The following CLN8 variants were observed in gnomAD, a reference collection of about 807,000 sequenced individuals.
CLN8 encodes CLN8 transmembrane ER and ERGIC protein.
CLN8 carries 14 observed loss-of-function variants against 15.7 expected under a neutral mutation model. That is an observed-to-expected ratio of 0.89 (90% CI 0.59 to 1.39). The LOEUF is 1.39. Ranked by LOEUF, CLN8 falls within the 40% of genes most tolerant of loss-of-function variation. The pLI is 0.00. For missense variants in CLN8, 415 were observed against 364.0 expected (o/e 1.14, Z -1.14); for synonymous variants, 188 against 151.0 (o/e 1.25, Z -1.80).
chr8:1,769,048 C>G (rs1246278978), intron 1 of CLN8, among the ~76,000 whole-genome samples: 1 of 152,208 alleles, frequency 6.6e-6, no homozygotes, highest in Admixed American at 6.5e-5. Context: ...GGAGCCGTTT[C>G]TCTAGGGAGA....
rs1279733259 is a variant in CLN8 at position 1,766,143 on chromosome 8, A to G, written c.-124+2258A>G. ...GTGTTTGCATTCAGATTTTTAAAAA[A>G]CTTCATGGCCCAGTGCAATAGAAGA... On this transcript the variant is annotated intron_variant, in intron 1 of 2. Coordinates refer to ENST00000331222, the MANE Select transcript of CLN8 (RefSeq NM_018941.4). Among the ~76,000 whole-genome samples the G allele has an allele frequency of 2.0e-5, 3 of 152,084 alleles. No homozygotes were observed. The East Asian group carries it at 5.8e-4, about 29-fold the overall frequency.
rs1554452063 is a variant in CLN8, at chr8:1,781,953, T to TTA, written c.*1387_*1388insAT. The TTA allele has an allele frequency of 1.4e-5, 2 of 147,880 alleles. No homozygotes were observed. Among genetic ancestry groups the TTA allele is most frequent in the African/African-American group, 5.0e-5 (2 of 40,068 alleles). 9.2% of individuals were successfully genotyped at this position (147,880 alleles called of 1,614,324 possible). On this transcript the variant is annotated 3_prime_UTR_variant, in exon 3 of 3. Transcript: ENST00000331222. ...CAATGTTGTTAACAGACATACAGAA[T>TTA]TGTGTGTGTGTGTGTGTGTGTGTGT...
intron 2 of CLN8, among the ~76,000 whole-genome samples, chr8:1,777,980 A>G (rs1000299796): frequency 6.6e-6 from 1 of 152,248 alleles, no homozygotes; most frequent in Admixed American, 6.5e-5. Context: ...TGACTGAAAT[A>G]AAGGCGCTGA....
At chr8:1,758,209 C>T (rs549288239) in intron 1 of CLN8, 1 of 152,298 alleles carries the variant, frequency 6.6e-6, no homozygotes, top group African/African-American at 2.4e-5. Context: ...AGCAGAAAGA[C>T]AGTTTTCTAT....
At chr8:1,766,206 A>T (rs1041842269) in intron 1 of CLN8, among the ~76,000 whole-genome samples, 2 of 152,192 alleles carry the variant, frequency 1.3e-5, no homozygotes, top group Non-Finnish European at 2.9e-5. Context: ...AGCTTTTTGT[A>T]TACATTTTCT....
Position 1,780,653 on chromosome 8 carries a change from A to AT in CLN8, c.*86_*87insT. The AT allele has an allele frequency of 7.9e-7, 1 of 1,269,080 alleles. No individual in the cohort carries two copies. The highest frequency in any genetic ancestry group is 1.1e-6 in the Non-Finnish European group (1 of 888,024). The allele number at this position is 1,269,080 out of a possible 1,614,324, so 78.6% of individuals were successfully genotyped here. A position where few individuals can be genotyped will look rare whatever the true frequency, so the allele number is the denominator to read the frequency against. On this transcript the variant is annotated 3_prime_UTR_variant, in exon 3 of 3. Transcript: ENST00000331222. ...GCGAATGATGGCTTTTGAATTAATG[A>AT]GGCAGTGAATGTTTTGTGTTTACTT...
chr8:1,765,390 G>A (rs1477656831), intron 1 of CLN8, among the ~76,000 whole-genome samples: 1 of 152,194 alleles, frequency 6.6e-6, no homozygotes, highest in Non-Finnish European at 1.5e-5. Flanking sequence ...CCAAAAAATA[G>A]TGATGGTGCT....
rs765158624 is a variant in CLN8 at position 1,771,194 on chromosome 8, C to T, written c.140C>T (p.Ser47Phe). The stretch of plus-strand genomic sequence containing the variant: ...TTTGTGGTCTGCCACCAGCTGTCCT[C>T]TTCCCTGAATGCCACTTACCGTTCT... ...GVFVVCHQLS[S>F]SLNATYRSLV... The change falls in exon 2 of 3, where the codon TCT becomes TTT. Residue 47 changes from serine (S) to phenylalanine (F), a missense_variant. Coordinates refer to ENST00000331222, the MANE Select transcript of CLN8 (RefSeq NM_018941.4). 23 of 1,613,968 alleles carry T rather than the reference C, an allele frequency of 1.4e-5. No homozygotes were observed. The highest frequency in any genetic ancestry group is 5.0e-5 in the Admixed American group (3 of 59,986).
intron 2 of CLN8, among the ~76,000 whole-genome samples, chr8:1,774,832 C>G (rs1193362452): frequency 6.6e-6 from 1 of 152,160 alleles, no homozygotes; most frequent in Non-Finnish European, 1.5e-5. Context: ...ACAAAAAATA[C>G]AAACATTAAC....
At chr8:1,769,571 G>C (rs937784452) in intron 1 of CLN8, among the ~76,000 whole-genome samples, 1 of 152,176 alleles carries the variant, frequency 6.6e-6, no homozygotes, top group Non-Finnish European at 1.5e-5. Flanking sequence ...CACTGGGTGA[G>C]GGGGGACCAG....
intron 1 of CLN8, among the ~76,000 whole-genome samples, chr8:1,769,549 C>T (rs1460731655): frequency 6.6e-6 from 1 of 152,286 alleles, no homozygotes; most frequent in Non-Finnish European, 1.5e-5. Flanking sequence ...ATTACCTGGA[C>T]AAGTCCCTGC....
rs1801366106 is a variant in CLN8 at position 1,772,765 on chromosome 8, C to T, written c.543+1168C>T. Among the ~76,000 whole-genome samples, 3 of 152,214 alleles carry T rather than the reference C, an allele frequency of 2.0e-5. No individual in the cohort carries two copies. In the South Asian group the frequency reaches 6.2e-4, roughly 31 times the overall value. On this transcript the variant is annotated intron_variant, in intron 2 of 2. Transcript: ENST00000331222. ...AAAATGCTGGGATTACAGGCATGAG[C>T]CACCGTGCACAGCCTTAAAATTGTT...
chr8:1,760,664 G>T (rs1008040690), upstream of CLN8, among the ~76,000 whole-genome samples: 1 of 152,124 alleles, frequency 6.6e-6, no homozygotes, highest in Admixed American at 6.6e-5. Flanking sequence ...GTTAAGACAG[G>T]CCTCAGCATG....
At chr8:1,772,977 G>A (rs1276230996) in intron 2 of CLN8, 5 of 398,434 alleles carry the variant, frequency 1.3e-5, no homozygotes, top group African/African-American at 2.1e-5. Flanking sequence ...TCCTGCCTTC[G>A]GGGTCGAGGT....
chr8:1,756,289 C>T (rs543961440), intron 1 of CLN8, among the ~76,000 whole-genome samples: 30 of 152,264 alleles, frequency 2.0e-4, no homozygotes, highest in African/African-American at 7.2e-4. Flanking sequence ...CAAGACCAGC[C>T]TGGCCAACAT....
At chr8:1,770,663 G>A (rs1053458342) in intron 1 of CLN8, among the ~76,000 whole-genome samples, 1 of 152,096 alleles carries the variant, frequency 6.6e-6, no homozygotes, top group Non-Finnish European at 1.5e-5. Context: ...TTGCTGGTGG[G>A]GTGCACATAG....
At chr8:1,753,912 C>A (rs542773071), upstream of CLN8, among the ~76,000 whole-genome samples, 1 of 151,816 alleles carries the variant, frequency 6.6e-6, no homozygotes, top group African/African-American at 2.4e-5. Context: ...AAGAAAATTT[C>A]TCATTCTCTT....
intron 2 of CLN8, among the ~76,000 whole-genome samples, chr8:1,776,853 C>T (rs1233804368): frequency 6.6e-6 from 1 of 152,184 alleles, no homozygotes; most frequent in Non-Finnish European, 1.5e-5. Flanking sequence ...ACTGAAGTCC[C>T]ATCATCAGTG....
chr8:1,773,477 G>A (rs7341635), intron 2 of CLN8: 114,662 of 152,534 alleles, frequency 0.75, 43,738 homozygotes, highest in African/African-American at 0.88. Context: ...GAGCCCCTCC[G>A]GTGACCTGGC....
Sources: gnomAD v4.1 joint callset for allele counts (sites outside exome capture counted in the v4.1 genomes callset) on GRCh38, gnomAD v4.1.1 for gene constraint, MANE v1.5 for transcripts, NCBI Gene and HGNC (gene_info 2026-07-23, HGNC 2026-07-21) for gene names.